The following COL25A1 variants were observed in gnomAD, a reference collection of about 807,000 sequenced individuals.
COL25A1 encodes the protein collagen type XXV alpha 1 chain, also known as collagen alpha-1(XXV) chain.
In COL25A1, 103 loss-of-function variants were observed where a neutral mutation model predicts 128.4. The ratio of observed to expected loss-of-function variants is 0.80; its 90% CI spans 0.68 to 0.94. COL25A1 has a LOEUF of 0.94. COL25A1 is among the 40% of genes least tolerant of loss of function. The pLI is 0.00. For synonymous variants in COL25A1, 279 were observed against 277.2 expected, an observed-to-expected ratio of 1.01 and a Z score of -0.06; for missense variants, 745 against 840.0, an observed-to-expected ratio of 0.89 and a Z score of 1.40.
chr4:109,099,545 C>T (rs1262285412), intron 3 of COL25A1, among the ~76,000 whole-genome samples: 1 of 151,212 alleles, frequency 6.6e-6, no homozygotes, highest in South Asian at 2.1e-4. Flanking sequence ...AATTATGGAA[C>T]TTGTAGAACC....
rs1168778089 is a variant in COL25A1, at chr4:108,864,348, A to G, written c.1084-961T>C. Among the ~76,000 whole-genome samples, 6 of 152,172 alleles carry G rather than the reference A, an allele frequency of 3.9e-5. No individual in the cohort carries two copies. In the South Asian group the frequency reaches 6.2e-4, roughly 16 times the overall value. On this transcript the variant is annotated intron_variant, in intron 20 of 37. Coordinates refer to ENST00000399132, the MANE Select transcript of COL25A1 (RefSeq NM_198721.4). ...AAGTGGTTAAGTTCCTGGCTCTGTA[A>G]TCTAGCATCTTAGGTTTTACTCCTG...
chr4:108,860,478 T>C (rs1481080445), intron 23 of COL25A1, among the ~76,000 whole-genome samples: 1 of 152,100 alleles, frequency 6.6e-6, no homozygotes, highest in Non-Finnish European at 1.5e-5. Flanking sequence ...TTAAACAAAA[T>C]AGGGAACAAA....
chr4:109,006,428 C>G (rs1321633796), intron 6 of COL25A1, among the ~76,000 whole-genome samples: 4 of 77,598 alleles, frequency 5.2e-5, no homozygotes, highest in Admixed American at 1.9e-4. Context: ...TTAGGAGAGA[C>G]AGGGTTTTAC....
At position 109,245,990 on chromosome 4, in the gene COL25A1, C is replaced by G. The variant is rs999610530; in HGVS notation, c.367+54593G>C. Among the ~76,000 whole-genome samples, 54 of 141,382 alleles carry G rather than the reference C, an allele frequency of 3.8e-4. 1 individual carries two copies. The highest frequency in any genetic ancestry group is 7.6e-3 in the Middle Eastern group (2 of 262). 92.8% of individuals were successfully genotyped at this position (141,382 alleles called of 152,430 possible). On this transcript the variant is annotated intron_variant, in intron 3 of 37. Coordinates refer to ENST00000399132, the MANE Select transcript of COL25A1 (RefSeq NM_198721.4). ...GAAAACTAGTTTTTCAGTAGAGGAA[C>G]CTCTAGTTGCTTTTTTGTTAAAAAG... is the stretch of plus-strand genomic sequence containing the variant.
chr4:109,225,928 G>C (rs1291603019), intron 3 of COL25A1, among the ~76,000 whole-genome samples: 1 of 150,818 alleles, frequency 6.6e-6, no homozygotes, highest in Admixed American at 6.6e-5. Context: ...TCACACGCTA[G>C]TTTGTATTTA....
At chr4:108,816,351 G>A (rs1731249187) in intron 37 of COL25A1, among the ~76,000 whole-genome samples, 2 of 152,120 alleles carry the variant, frequency 1.3e-5, no homozygotes, top group Admixed American at 1.3e-4. Flanking sequence ...TTGCTACATA[G>A]TTTTGCTATA....
intron 20 of COL25A1, among the ~76,000 whole-genome samples, chr4:108,866,264 C>A (rs568894046): frequency 6.7e-6 from 1 of 149,924 alleles, no homozygotes; most frequent in South Asian, 2.1e-4. Context: ...GTGATCTCGG[C>A]TCACTGCAAC....
chr4:109,064,321 T>C (rs1271753893), intron 3 of COL25A1, among the ~76,000 whole-genome samples: 1 of 152,240 alleles, frequency 6.6e-6, no homozygotes, highest in East Asian at 1.9e-4. Flanking sequence ...ATTGAAGATT[T>C]GTCCCAAAAC....
chr4:108,980,943 C>G (rs551522066), intron 6 of COL25A1, among the ~76,000 whole-genome samples: 4 of 152,280 alleles, frequency 2.6e-5, no homozygotes, highest in Middle Eastern at 3.4e-3. Context: ...CGGAATATCC[C>G]GTTTTTCTCT....
chr4:109,061,273 T>C (rs183578511), intron 3 of COL25A1, among the ~76,000 whole-genome samples: 459 of 152,282 alleles, frequency 3.0e-3, no homozygotes, highest in Non-Finnish European at 4.3e-3. Flanking sequence ...CCTCTAGTAT[T>C]TTTTCCAACA....
intron 3 of COL25A1, among the ~76,000 whole-genome samples, chr4:109,141,517 TC>T (rs1770403454): frequency 2.0e-5 from 3 of 152,212 alleles, no homozygotes. Context: ...TGGTACCAGC[TC>T]CTCTTTGTAC....
At chr4:109,029,074 A>G (rs1758594510) in intron 5 of COL25A1, among the ~76,000 whole-genome samples, 1 of 152,162 alleles carries the variant, frequency 6.6e-6, no homozygotes, top group African/African-American at 2.4e-5. Context: ...TGTAAAAGGG[A>G]GTGGGAGCTA....
At chr4:109,219,373 A>G (rs1778261299) in intron 3 of COL25A1, among the ~76,000 whole-genome samples, 1 of 152,116 alleles carries the variant, frequency 6.6e-6, no homozygotes, top group African/African-American at 2.4e-5. Flanking sequence ...GTTTCTACCA[A>G]CAGTCACACA....
chr4:108,837,131 C>T (rs919731744), intron 31 of COL25A1, among the ~76,000 whole-genome samples: 7 of 152,142 alleles, frequency 4.6e-5, no homozygotes, highest in Admixed American at 3.9e-4. Context: ...TTATATCAGT[C>T]ATTCAATAAA....
At chr4:108,819,738 C>A in intron 35 of COL25A1, 1 of 688,558 alleles carries the variant, frequency 1.5e-6, no homozygotes, top group Non-Finnish European at 2.0e-6. Flanking sequence ...TGTTACGGAT[C>A]CCTCCGGCTT....
At chr4:108,952,569 T>C (rs1190402750) in intron 8 of COL25A1, among the ~76,000 whole-genome samples, 1 of 152,180 alleles carries the variant, frequency 6.6e-6, no homozygotes, top group Non-Finnish European at 1.5e-5. Context: ...TCTTCTAAGA[T>C]GGCGCAGTAT....
chr4:109,070,362 C>CT (rs34215492), intron 3 of COL25A1, among the ~76,000 whole-genome samples: 12 of 149,272 alleles, frequency 8.0e-5, no homozygotes, highest in East Asian at 2.0e-4. Context: ...ATTTTTTAAT[C>CT]TTTTTTTTTT....
In COL25A1 at chr4:109,137,359, C is replaced by G. The variant is rs17039929; in HGVS notation, c.368-87180G>C. Among the ~76,000 whole-genome samples, 1,156 of 152,286 alleles carry G rather than the reference C, an allele frequency of 7.6e-3. 14 individuals are homozygous for G. Among genetic ancestry groups the G allele is most frequent in the African/African-American group, 0.026 (1,095 of 41,550 alleles). On this transcript the variant is annotated intron_variant, in intron 3 of 37. Transcript: ENST00000399132. ...CACTTTCTGCTACAAAATTCTAGTT[C>G]TAAAGTTCAATATCCTGTATAAAAC...
At chr4:109,220,270 T>C (rs1351811727) in intron 3 of COL25A1, among the ~76,000 whole-genome samples, 2 of 152,230 alleles carry the variant, frequency 1.3e-5, no homozygotes, top group African/African-American at 4.8e-5. Flanking sequence ...CTGATTTTGC[T>C]CTTCAGTGAA....
Sources: gnomAD v4.1 joint callset for allele counts (sites outside exome capture counted in the v4.1 genomes callset) on GRCh38, gnomAD v4.1.1 for gene constraint, MANE v1.5 for transcripts, NCBI Gene and HGNC (gene_info 2026-07-23, HGNC 2026-07-21) for gene names.